Variants in FAM133B observed in about 807,000 individuals in gnomAD.
FAM133B encodes family with sequence similarity 133 member B.
FAM133B carries 25 observed loss-of-function variants against 46.4 expected under a neutral mutation model. That is an observed-to-expected ratio of 0.54 (90% CI 0.39 to 0.75). The LOEUF is 0.75. Among genes scored for constraint, FAM133B ranks in the 30% least tolerant of loss-of-function variants. The probability of loss-of-function intolerance (pLI) is 0.00; values close to 1 mark genes in which losing one functional copy is unlikely to be tolerated. For missense variants in FAM133B, 205 were observed against 277.6 expected (o/e 0.74, Z 1.86); for synonymous variants, 75 against 86.0 (o/e 0.87, Z 0.71).
At chr7:92,570,497 T>A (rs943677974) in intron 8 of FAM133B, among the ~76,000 whole-genome samples, 15 of 152,170 alleles carry the variant, frequency 9.9e-5, no homozygotes, top group Admixed American at 9.8e-4. Flanking sequence ...TAAAAAAAAA[T>A]TATGACAACA....
rs373059782 is a variant in FAM133B at position 92,581,492 on chromosome 7, T to C, written c.122+14A>G. The C allele has an allele frequency of 7.4e-5, 119 of 1,599,550 alleles. 1 individual carries two copies. Among genetic ancestry groups the C allele is most frequent in the South Asian group, 2.4e-4 (22 of 90,386 alleles). ...GATAAAAGCTTATAAATAGGTAAAG[T>C]GTTTCACAAATACCAGGTAGGCCTT... On this transcript the variant is annotated intron_variant, in intron 2 of 10. Transcript: ENST00000445716.
At chr7:92,581,124 G>A (rs895998513) in intron 2 of FAM133B, among the ~76,000 whole-genome samples, 8 of 152,202 alleles carry the variant, frequency 5.3e-5, no homozygotes, top group African/African-American at 1.9e-4. Context: ...TCATTGAAAA[G>A]CTGGCAGATA....
At chr7:92,572,946 G>T (rs1475311335) in intron 8 of FAM133B, among the ~76,000 whole-genome samples, 1 of 151,592 alleles carries the variant, frequency 6.6e-6, no homozygotes, top group Non-Finnish European at 1.5e-5. Context: ...TGAATGAAAA[G>T]AAACAAGTTT....
Position 92,590,374 on chromosome 7 carries a change from T to C in FAM133B, c.-83A>G. The stretch of plus-strand genomic sequence containing the variant: ...GAAGAGGGCCTGCCGCAGGTCCTCT[T>C]GCCGCCTCCCCACTCCGCCTAGAGA... On this transcript the variant is annotated 5_prime_UTR_variant, in exon 1 of 11. Coordinates refer to ENST00000445716, the MANE Select transcript of FAM133B (RefSeq NM_152789.4). 6.3e-7 allele frequency: 1 copy of C among 1,599,694 alleles called. No homozygotes were observed. The highest frequency in any genetic ancestry group is 8.5e-7 in the Non-Finnish European group (1 of 1,171,554).
intron 1 of FAM133B, among the ~76,000 whole-genome samples, chr7:92,588,705 A>T (rs1353290602): frequency 6.6e-6 from 1 of 152,154 alleles, no homozygotes; most frequent in Non-Finnish European, 1.5e-5. Context: ...AGGTGACTGG[A>T]TCATGGGGGC....
Position 92,585,122 on chromosome 7 carries a change from G to A in FAM133B, c.25-3519C>T, listed in dbSNP as rs139813926. Among the ~76,000 whole-genome samples, 474 of 152,192 alleles carry A rather than the reference G, an allele frequency of 3.1e-3. 4 individuals are homozygous for A. The highest frequency in any genetic ancestry group is 0.011 in the African/African-American group (459 of 41,512). The stretch of plus-strand genomic sequence containing the variant: ...TCAACTGAGTCTCAGCCAATCACAG[G>A]AGCCCAACCCTCAACCAATCCCAAA... On this transcript the variant is annotated intron_variant, in intron 1 of 10. Transcript: ENST00000445716.
In FAM133B at chr7:92,566,005, G is replaced by A; in HGVS notation, c.657+9C>T. ...TCTATTGTCTGTAAAAACGTTAAGA[G>A]ATACTTGCTGTTGCTTTTTCTCGTT... On this transcript the variant is annotated intron_variant, in intron 10 of 10. Transcript: ENST00000445716. The A allele has an allele frequency of 1.2e-6, 2 of 1,613,622 alleles. No individual in the cohort carries two copies. The highest frequency in any genetic ancestry group is 1.7e-6 in the Non-Finnish European group (2 of 1,179,740).
chr7:92,576,017 G>C (rs1457537905), intron 7 of FAM133B, among the ~76,000 whole-genome samples, 196 bp from the exon 8 acceptor site: 1 of 152,142 alleles, frequency 6.6e-6, no homozygotes, highest in Non-Finnish European at 1.5e-5. Flanking sequence ...TTCTTTATCT[G>C]GCTGTATACC....
rs769933135 is a variant in FAM133B, at chr7:92,579,308, T to A, written c.201+9A>T. On this transcript the variant is annotated intron_variant, in intron 3 of 10. Coordinates refer to ENST00000445716, the MANE Select transcript of FAM133B (RefSeq NM_152789.4). Reference sequence around the variant, plus strand: ...TAGTCTATTTTTTTAACAGGTACTTTTTACAAACCTCATTCATTTTTTCTT... The same window carrying A: ...TAGTCTATTTTTTTAACAGGTACTTATTACAAACCTCATTCATTTTTTCTT... The A allele has an allele frequency of 6.2e-7, 1 of 1,606,340 alleles. No individual in the cohort carries two copies. Among genetic ancestry groups the A allele is most frequent in the South Asian group, 1.1e-5 (1 of 89,394 alleles).
intron 3 of FAM133B, 126 bp from the exon 4 acceptor site, chr7:92,578,519 T>C: frequency 1.2e-6 from 1 of 831,630 alleles, no homozygotes; most frequent in Non-Finnish European, 1.9e-6. Flanking sequence ...AGCTTCTAAT[T>C]ACAGTCAAAA....
In FAM133B at chr7:92,569,967, A is replaced by AT. The variant is rs1255250594; in HGVS notation, c.517-53dup. On this transcript the variant is annotated intron_variant, in intron 8 of 10. Coordinates refer to ENST00000445716, the MANE Select transcript of FAM133B (RefSeq NM_152789.4). ...GACTCAGACATACTTTGTCACACAC[A>AT]TTTTATGTTTCTAAGTTCTATTTAA... The AT allele has an allele frequency of 8.0e-5, 63 of 790,506 alleles. No individual in the cohort carries two copies. The Middle Eastern group carries it at 1.0e-3, about 13-fold the overall frequency. 49.0% of individuals were successfully genotyped at this position (790,506 alleles called of 1,614,324 possible).
intron 9 of FAM133B, among the ~76,000 whole-genome samples, chr7:92,569,340 C>T (rs1005246924): frequency 1.3e-5 from 2 of 152,160 alleles, no homozygotes; most frequent in African/African-American, 2.4e-5. Flanking sequence ...TTTATCATCT[C>T]ATTTAGTTCT....
At position 92,567,423 on chromosome 7, in the gene FAM133B, C is replaced by T. The variant is rs140591168; in HGVS notation, c.610-1362G>A. ...GCGTGGTTTTGCTGCTAAGTGACTA[C>T]GACATTAAATACATGACAAATACAT... On this transcript the variant is annotated intron_variant, in intron 9 of 10. Coordinates refer to ENST00000445716, the MANE Select transcript of FAM133B (RefSeq NM_152789.4). 9.7e-3 allele frequency among the ~76,000 whole-genome samples: 1,475 copies of T among 151,932 alleles called. 13 individuals are homozygous for T. Among genetic ancestry groups the T allele is most frequent in the Middle Eastern group, 0.017 (5 of 294 alleles).
At chr7:92,582,197 T>C (rs1039895310) in intron 1 of FAM133B, among the ~76,000 whole-genome samples, 2 of 152,070 alleles carry the variant, frequency 1.3e-5, no homozygotes, top group Non-Finnish European at 2.9e-5. Context: ...TGCAGTGAGC[T>C]GAGATCGTGC....
Position 92,562,347 on chromosome 7 carries a change from T to C in FAM133B, c.679A>G (p.Lys227Glu), listed in dbSNP as rs1448253693. 2 of 1,533,286 alleles carry C rather than the reference T, an allele frequency of 1.3e-6. No individual in the cohort carries two copies. Among genetic ancestry groups the C allele is most frequent in the Non-Finnish European group, 8.7e-7 (1 of 1,145,136 alleles). 95.0% of individuals were successfully genotyped at this position (1,533,286 alleles called of 1,614,324 possible). A position where few individuals can be genotyped will look rare whatever the true frequency, so the allele number is the denominator to read the frequency against. The part of the protein sequence containing the change: ...KATEKTKKKK[K>E]HKKHSKKKKK... ...TTCTTCTTACTGTGTTTCTTATGCT[T>C]CTTTTTCTTTTTTGTTTTTTCCTGT... Residue 227 changes from lysine (K) to glutamate (E), a missense_variant, in exon 11 of 11, where the codon AAG becomes GAG. Physicochemically the swap from Lys to Glu is moderately conservative, Grantham distance 56. Coordinates refer to ENST00000445716, the MANE Select transcript of FAM133B (RefSeq NM_152789.4).
chr7:92,577,201 T>A lies in FAM133B; in HGVS notation c.373-6A>T, dbSNP rs746489321. ...CGTTTTCCTTGTTTCTTATCCTACA[T>A]AAAATATTTTTAGAAACATTTGCTT... On this transcript the variant is annotated splice_region_variant and splice_polypyrimidine_tract_variant and intron_variant, in intron 6 of 10. Coordinates refer to ENST00000445716, the MANE Select transcript of FAM133B (RefSeq NM_152789.4). The A allele has an allele frequency of 6.9e-7, 1 of 1,453,690 alleles. No homozygotes were observed. The highest frequency in any genetic ancestry group is 1.5e-5 in the South Asian group (1 of 67,062). 90.0% of individuals were successfully genotyped at this position (1,453,690 alleles called of 1,614,324 possible). A position where few individuals can be genotyped will look rare whatever the true frequency, so the allele number is the denominator to read the frequency against.
At chr7:92,575,439 C>T (rs1794664778) in intron 8 of FAM133B, among the ~76,000 whole-genome samples, 1 of 151,994 alleles carries the variant, frequency 6.6e-6, no homozygotes, top group African/African-American at 2.4e-5. Context: ...CACCACTGTA[C>T]TCCAGCCTGG....
intron 8 of FAM133B, among the ~76,000 whole-genome samples, chr7:92,573,805 A>T (rs1440059617): frequency 6.6e-6 from 1 of 152,010 alleles, no homozygotes; most frequent in Non-Finnish European, 1.5e-5. Context: ...ATGGCAAATT[A>T]TATTAAATTA....
rs1166189710 is a variant in FAM133B, at chr7:92,561,181, G to A, written c.*1101C>T. On this transcript the variant is annotated 3_prime_UTR_variant, in exon 11 of 11. Transcript: ENST00000445716. The stretch of plus-strand genomic sequence containing the variant: ...CTTGCCACTCAACTTGTTATTGTAA[G>A]TCTCAGCTTCAATATGAAGCCGTTT... 1 of 145,900 alleles carries A rather than the reference G, an allele frequency of 6.9e-6. No homozygotes were observed. Among genetic ancestry groups the A allele is most frequent in the East Asian group, 2.0e-4 (1 of 5,028 alleles). 9.0% of individuals were successfully genotyped at this position (145,900 alleles called of 1,614,324 possible). A position where few individuals can be genotyped will look rare whatever the true frequency, so the allele number is the denominator to read the frequency against.
Sources: allele counts gnomAD v4.1 joint callset (sites outside exome capture counted in the v4.1 genomes callset), GRCh38; gene constraint gnomAD v4.1.1; transcripts MANE v1.5; gene names NCBI Gene and HGNC (gene_info 2026-07-23, HGNC 2026-07-21).